The following CHAF1A variants were observed in gnomAD, a reference collection of about 807,000 sequenced individuals.
CHAF1A encodes CAF-1 subunit A.
CHAF1A carries 5 observed loss-of-function variants against 93.2 expected under a neutral mutation model. The ratio of observed to expected loss-of-function variants is 0.05; its 90% CI spans 0.03 to 0.11. The LOEUF is 0.11. Ranked by LOEUF, CHAF1A falls within the 10% of genes least tolerant of loss-of-function variation. CHAF1A has a pLI of 1.00. For synonymous variants in CHAF1A, 504 were observed against 510.3 expected (o/e 0.99, Z 0.17); for missense variants, 1,102 against 1,259.9 (o/e 0.87, Z 1.90).
intron 4 of CHAF1A, among the ~76,000 whole-genome samples, chr19:4,420,861 G>A (rs576552191): frequency 2.0e-5 from 3 of 152,018 alleles, no homozygotes; most frequent in Admixed American, 6.6e-5. Context: ...TTGCTTGAGC[G>A]CAGGAGTTAA....
intron 7 of CHAF1A, among the ~76,000 whole-genome samples, chr19:4,426,990 G>A (rs1427175424): frequency 6.6e-6 from 1 of 151,304 alleles, no homozygotes; most frequent in East Asian, 2.0e-4. Flanking sequence ...TGCTCATGAG[G>A]CTGAGGCAGG....
the CHAF1A span, chr19:4,450,368 T>TA: frequency 6.6e-6 from 1 of 152,018 alleles, no homozygotes; most frequent in Admixed American, 6.6e-5. Context: ...CAAAAAATCC[T>TA]ACACAGCAAA....
chr19:4,440,798 A>G (rs1974372916), intron 13 of CHAF1A, among the ~76,000 whole-genome samples: 1 of 151,584 alleles, frequency 6.6e-6, no homozygotes, highest in Admixed American at 6.6e-5. Context: ...CTTGTAACCC[A>G]GTGGTATATG....
At chr19:4,440,690 G>C (rs1974370605) in intron 13 of CHAF1A, among the ~76,000 whole-genome samples, 1 of 152,042 alleles carries the variant, frequency 6.6e-6, no homozygotes, top group Non-Finnish European at 1.5e-5. Flanking sequence ...ATCCTAGATG[G>C]ACAGCCTGCC....
At chr19:4,423,224 TATTC>T in intron 5 of CHAF1A, 107 bp from the exon 6 acceptor site, 1 of 1,463,974 alleles carries the variant, frequency 6.8e-7, no homozygotes. Context: ...AAATAACTTA[TATTC>T]ATTTAATGTA....
intron 3 of CHAF1A, among the ~76,000 whole-genome samples, chr19:4,414,017 C>T (rs1973855365): frequency 6.6e-6 from 1 of 152,150 alleles, no homozygotes; most frequent in Non-Finnish European, 1.5e-5. Context: ...AGTTGTGTTA[C>T]TGGAATCTTT....
At chr19:4,406,549 T>TGTC (rs1973684912) in intron 2 of CHAF1A, among the ~76,000 whole-genome samples, 1 of 151,310 alleles carries the variant, frequency 6.6e-6, no homozygotes, top group Non-Finnish European at 1.5e-5. Flanking sequence ...ATTCTCCTCC[T>TGTC]TCAGCCTCCC....
At position 4,409,341 on chromosome 19, in the gene CHAF1A, G is replaced by A. The variant is rs538212376; in HGVS notation, c.542G>A (p.Cys181Tyr). ...FPGETLSDIP[C>Y]KTEEEGVGCG... The stretch of plus-strand genomic sequence containing the variant: ...GGAGAGACCCTTTCAGACATTCCTT[G>A]CAAAACAGAGGAGGAGGGTGTTGGC... Residue 181 changes from cysteine to tyrosine, a missense_variant, in exon 3 of 15, where the codon TGC (cysteine) becomes TAC (tyrosine). Transcript: ENST00000301280. 1.2e-6 allele frequency: 2 copies of A among 1,614,114 alleles called. No individual in the cohort carries two copies. Among genetic ancestry groups the A allele is most frequent in the South Asian group, 2.2e-5 (2 of 91,076 alleles).
chr19:4,406,626 G>A (rs543412043), intron 2 of CHAF1A, among the ~76,000 whole-genome samples: 1 of 151,992 alleles, frequency 6.6e-6, no homozygotes, highest in African/African-American at 2.4e-5. Context: ...GTAGAGATGG[G>A]GTTTTACCAT....
intron 13 of CHAF1A, among the ~76,000 whole-genome samples, chr19:4,435,924 A>C (rs1258778795): frequency 6.6e-6 from 1 of 152,168 alleles, no homozygotes; most frequent in African/African-American, 2.4e-5. Context: ...AGATCACCTG[A>C]AGTCAGGAGT....
intron 2 of CHAF1A, among the ~76,000 whole-genome samples, chr19:4,407,359 T>G (rs1973700140): frequency 6.6e-6 from 1 of 151,744 alleles, no homozygotes; most frequent in Non-Finnish European, 1.5e-5. Context: ...CTCTCCAAAG[T>G]GTTTCTGTGT....
chr19:4,429,101 C>T lies in CHAF1A; in HGVS notation c.1604+211C>T, dbSNP rs542318607. 5.0e-6 allele frequency: 3 copies of T among 596,236 alleles called. No individual in the cohort carries two copies. In the African/African-American group the frequency reaches 5.6e-5, roughly 11 times the overall value. 36.9% of individuals were successfully genotyped at this position (596,236 alleles called of 1,614,324 possible). A position where few individuals can be genotyped will look rare whatever the true frequency, so the allele number is the denominator to read the frequency against. On this transcript the variant is annotated intron_variant, in intron 8 of 14. Coordinates refer to ENST00000301280, the MANE Select transcript of CHAF1A (RefSeq NM_005483.3). ...CTTCCTCTCCCTGTCTTCCCAGCTC[C>T]TCGTGGAGGAATCTTATTTCCCTGC... is the stretch of plus-strand genomic sequence containing the variant.
intron 7 of CHAF1A, among the ~76,000 whole-genome samples, chr19:4,426,696 A>G (rs1335006361): frequency 6.8e-6 from 1 of 147,304 alleles, no homozygotes; most frequent in Admixed American, 6.8e-5. Context: ...CTTGTCTTGA[A>G]CTACTGACCT....
At chr19:4,447,794 C>G (rs1437580228), downstream of CHAF1A, 1 of 659,532 alleles carries the variant, frequency 1.5e-6, no homozygotes, top group African/African-American at 1.8e-5. Context: ...GGAAGGCACA[C>G]CTCGGACACC....
chr19:4,414,847 T>C (rs1568432457), intron 3 of CHAF1A, among the ~76,000 whole-genome samples: 1 of 152,216 alleles, frequency 6.6e-6, no homozygotes, highest in Non-Finnish European at 1.5e-5. Context: ...CAGCTTGCAC[T>C]CTCTCATGCT....
In CHAF1A at chr19:4,402,784, G is replaced by C. The variant is rs1166284688; in HGVS notation, c.22G>C (p.Gly8Arg). 1 of 1,205,122 alleles carries C rather than the reference G, an allele frequency of 8.3e-7. No individual in the cohort carries two copies. Among genetic ancestry groups the C allele is most frequent in the Non-Finnish European group, 1.0e-6 (1 of 970,746 alleles). The allele number at this position is 1,205,122 out of a possible 1,614,324, so 74.7% of individuals were successfully genotyped here. The stretch of plus-strand genomic sequence containing the variant: ...GGCGATGCTGGAGGAGCTGGAGTGC[G>C]GGGCGCCCGGCGCCAGGGGAGCCGC... MLEELEC[G>R]APGARGAATA... The change falls in exon 1 of 15, where the codon GGG becomes CGG. Residue 8 changes from glycine (G) to arginine (R), a missense_variant. Physicochemically the swap from Gly to Arg is moderately radical, Grantham distance 125. Coordinates refer to ENST00000301280, the MANE Select transcript of CHAF1A (RefSeq NM_005483.3).
chr19:4,424,459 T>C (rs76748250), intron 7 of CHAF1A, among the ~76,000 whole-genome samples: 3,592 of 152,262 alleles, frequency 0.024, 139 homozygotes, highest in African/African-American at 0.083. Flanking sequence ...TTCTTTTTAA[T>C]GTATCTGGCC....
intron 12 of CHAF1A, 84 bp from the exon 13 acceptor site, chr19:4,432,986 A>G: frequency 8.9e-7 from 1 of 1,128,406 alleles, no homozygotes; most frequent in Non-Finnish European, 1.2e-6. Flanking sequence ...GGTGGCAATG[A>G]GCTTGTGTAT....
Position 4,433,046 on chromosome 19 carries a change from C to A in CHAF1A, c.2204-24C>A. The stretch of plus-strand genomic sequence containing the variant: ...GATGGGTGGCTCCCCAAGCCTCATG[C>A]CCACCCATGTTCCCTCCTGCCAGTC... On this transcript the variant is annotated intron_variant, in intron 12 of 14. Transcript: ENST00000301280. This position sits in a 1 kb window ranked among gnomAD's most constrained non-coding sequence, Gnocchi z 5.6. 6.6e-7 allele frequency: 1 copy of A among 1,507,412 alleles called. No homozygotes were observed. The highest frequency in any genetic ancestry group is 9.0e-7 in the Non-Finnish European group (1 of 1,117,168). The allele number at this position is 1,507,412 out of a possible 1,614,324, so 93.4% of individuals were successfully genotyped here. A position where few individuals can be genotyped will look rare whatever the true frequency, so the allele number is the denominator to read the frequency against.
Sources: allele counts gnomAD v4.1 joint callset (sites outside exome capture counted in the v4.1 genomes callset), GRCh38; gene constraint gnomAD v4.1.1; non-coding constraint Gnocchi (gnomAD v3.1); transcripts MANE v1.5; gene names NCBI Gene and HGNC (gene_info 2026-07-23, HGNC 2026-07-21).